Variants in WDPCP observed in about 807,000 individuals in gnomAD.
The protein encoded by WDPCP is WD repeat-containing and planar cell polarity effector protein fritz homolog.
WDPCP carries 71 observed loss-of-function variants against 93.1 expected under a neutral mutation model. The observed-to-expected ratio is 0.76, with a 90% confidence interval of 0.63 to 0.93. The LOEUF is 0.93. WDPCP is among the 40% of genes least tolerant of loss of function. The pLI is 0.00. For synonymous variants in WDPCP, 315 were observed against 315.0 expected (o/e 1.00, Z 0.00); for missense variants, 844 against 887.4 (o/e 0.95, Z 0.62).
intron 13 of WDPCP, among the ~76,000 whole-genome samples, chr2:63,309,978 A>G (rs1235798285): frequency 6.6e-6 from 1 of 152,156 alleles, no homozygotes; most frequent in Admixed American, 6.6e-5. Context: ...GGTAGAGACT[A>G]CTTGTTTTTA....
chr2:63,729,541 C>A (rs1331839896), intron 2 of WDPCP, among the ~76,000 whole-genome samples: 1 of 152,046 alleles, frequency 6.6e-6, no homozygotes, highest in East Asian at 1.9e-4. Flanking sequence ...CATCTCCTAA[C>A]CCCCAATTCA....
chr2:63,719,462 C>T (rs547541972), intron 2 of WDPCP, among the ~76,000 whole-genome samples: 6 of 152,212 alleles, frequency 3.9e-5, no homozygotes, highest in African/African-American at 1.4e-4. Context: ...AGAGAAAGGC[C>T]AAGAATGGAT....
chr2:63,450,447 C>T (rs941152682), intron 6 of WDPCP, among the ~76,000 whole-genome samples: 2 of 152,152 alleles, frequency 1.3e-5, no homozygotes, highest in African/African-American at 4.8e-5. Flanking sequence ...CATACCATGC[C>T]AGCTGCCCGG....
At chr2:63,496,367 A>T (rs1701222812) in intron 1 of WDPCP, among the ~76,000 whole-genome samples, 2 of 152,208 alleles carry the variant, frequency 1.3e-5, no homozygotes. Flanking sequence ...GTCTACACTG[A>T]CTATTTCTAC....
chr2:63,531,659 G>T (rs1703862601), intron 1 of WDPCP, among the ~76,000 whole-genome samples: 1 of 152,056 alleles, frequency 6.6e-6, no homozygotes, highest in Non-Finnish European at 1.5e-5. Context: ...AAGCAGAAAA[G>T]AATAACATCA....
At chr2:63,438,643 G>C (rs1303917341) in intron 7 of WDPCP, among the ~76,000 whole-genome samples, 1 of 151,988 alleles carries the variant, frequency 6.6e-6, no homozygotes, top group African/African-American at 2.4e-5. Context: ...AGGGAAAATG[G>C]CATGCTTACA....
At chr2:63,166,993 A>G (rs895897720) in intron 15 of WDPCP, among the ~76,000 whole-genome samples, 1 of 152,052 alleles carries the variant, frequency 6.6e-6, no homozygotes, top group Non-Finnish European at 1.5e-5. Context: ...CACTATCTCT[A>G]TGAGTTCAAT....
At chr2:63,643,976 A>G in intron 3 of WDPCP, 1 of 481,470 alleles carries the variant, frequency 2.1e-6, no homozygotes, top group Non-Finnish European at 4.2e-6. Context: ...AAACACACCA[A>G]TCAATTTATC....
chr2:63,318,093 T>G (rs1369859777), intron 12 of WDPCP, among the ~76,000 whole-genome samples: 1 of 151,850 alleles, frequency 6.6e-6, no homozygotes, highest in Non-Finnish European at 1.5e-5. Flanking sequence ...AAAACCCCAT[T>G]AAAAAATAGG....
At chr2:63,801,656 G>A (rs1411707781) in intron 2 of WDPCP, among the ~76,000 whole-genome samples, 1 of 152,114 alleles carries the variant, frequency 6.6e-6, no homozygotes, top group African/African-American at 2.4e-5. Context: ...AACACTGATT[G>A]GTGCGTTTTA....
chr2:63,435,506 T>C (rs1055567986), intron 8 of WDPCP, among the ~76,000 whole-genome samples: 14 of 152,124 alleles, frequency 9.2e-5, no homozygotes, highest in African/African-American at 2.9e-4. Context: ...ATACATTATT[T>C]CAATGTCTGA....
chr2:63,502,517 G>A (rs1701620035), intron 1 of WDPCP, among the ~76,000 whole-genome samples: 1 of 152,062 alleles, frequency 6.6e-6, no homozygotes, highest in Non-Finnish European at 1.5e-5. Context: ...CAACCTGGTA[G>A]GTGAAAATTT....
intron 9 of WDPCP, among the ~76,000 whole-genome samples, chr2:63,412,549 G>A (rs1216068930): frequency 1.3e-5 from 2 of 152,138 alleles, no homozygotes; most frequent in African/African-American, 4.8e-5. Flanking sequence ...ACAAGAGAAA[G>A]AAATAAAGAG....
chr2:63,674,541 G>T (rs1710381305), intron 2 of WDPCP, among the ~76,000 whole-genome samples: 1 of 152,032 alleles, frequency 6.6e-6, no homozygotes, highest in Non-Finnish European at 1.5e-5. Flanking sequence ...TTTTGTTTTG[G>T]GGCAGAGAGA....
chr2:63,780,741 T>C (rs1049183596), intron 2 of WDPCP, among the ~76,000 whole-genome samples: 3 of 152,318 alleles, frequency 2.0e-5, no homozygotes, highest in Non-Finnish European at 2.9e-5. Flanking sequence ...CTTTGTTTCC[T>C]AGCAGTGATG....
rs557292196 is a variant in WDPCP, at chr2:63,230,526, T to C, written c.1915+28781A>G. Among the ~76,000 whole-genome samples, 13 of 152,310 alleles carry C rather than the reference T, an allele frequency of 8.5e-5. 1 individual carries two copies. In the South Asian group the frequency reaches 2.7e-3, roughly 32 times the overall value. ...GGAATCGCCACACTGTCTTCCACAA[T>C]GGTTGAACTAGTTTACAGTCCCACC... is the stretch of plus-strand genomic sequence containing the variant. On this transcript the variant is annotated intron_variant, in intron 14 of 17. Coordinates refer to ENST00000272321, the MANE Select transcript of WDPCP (RefSeq NM_015910.7).
At chr2:63,775,220 C>A (rs1364661245) in intron 2 of WDPCP, among the ~76,000 whole-genome samples, 1 of 152,160 alleles carries the variant, frequency 6.6e-6, no homozygotes, top group East Asian at 1.9e-4. Flanking sequence ...TTCTTATAGT[C>A]CAGATAGTCT....
chr2:63,214,132 A>T (rs147137875), intron 14 of WDPCP, among the ~76,000 whole-genome samples: 60 of 152,346 alleles, frequency 3.9e-4, no homozygotes, highest in Non-Finnish European at 5.4e-4. Flanking sequence ...TGAGGCCAGC[A>T]TCATCCTGAT....
intron 13 of WDPCP, among the ~76,000 whole-genome samples, chr2:63,262,084 A>G (rs1681678548): frequency 6.6e-6 from 1 of 152,170 alleles, no homozygotes; most frequent in South Asian, 2.1e-4. Flanking sequence ...CTTTGCTAAT[A>G]TTTAAGATTT....
Sources: gnomAD v4.1 joint callset for allele counts (sites outside exome capture counted in the v4.1 genomes callset) on GRCh38, gnomAD v4.1.1 for gene constraint, MANE v1.5 for transcripts, NCBI Gene and HGNC (gene_info 2026-07-23, HGNC 2026-07-21) for gene names.